The following PRKCQ variants were observed in gnomAD, a reference collection of about 807,000 sequenced individuals.
PRKCQ encodes protein kinase C theta type.
Under a neutral mutation model 91.2 loss-of-function variants are expected in PRKCQ, and 41 were observed. The ratio of observed to expected loss-of-function variants is 0.45; its 90% CI spans 0.35 to 0.58. The LOEUF (loss-of-function observed/expected upper bound fraction) is 0.58, where lower values mean the gene tolerates loss of function less well. Among genes scored for constraint, PRKCQ ranks in the 20% least tolerant of loss-of-function variants. The pLI, the probability that PRKCQ is intolerant of heterozygous loss-of-function variation, is 0.00. For missense variants in PRKCQ, 673 were observed against 896.5 expected, an observed-to-expected ratio of 0.75 and a Z score of 3.18; for synonymous variants, 307 against 316.9, an observed-to-expected ratio of 0.97 and a Z score of 0.33.
At chr10:6,446,794 G>C (rs1179605277) in intron 15 of PRKCQ, among the ~76,000 whole-genome samples, 2 of 152,174 alleles carry the variant, frequency 1.3e-5, no homozygotes, top group African/African-American at 4.8e-5. Flanking sequence ...TCCTTGCTTT[G>C]ACCCAAAGAA....
At chr10:6,401,511 G>T in the PRKCQ span, among the ~76,000 whole-genome samples, 5 of 146,514 alleles carry the variant, frequency 3.4e-5, no homozygotes, top group East Asian at 3.9e-4. Flanking sequence ...GAGAGGGCTG[G>T]TTTTTTTTTT....
intron 15 of PRKCQ, among the ~76,000 whole-genome samples, chr10:6,452,200 C>A (rs1756203975): frequency 1.3e-5 from 2 of 152,196 alleles, no homozygotes; most frequent in South Asian, 2.1e-4. Flanking sequence ...CCAAAATCTC[C>A]TTAAGCTGAT....
At chr10:6,492,815 C>T (rs1445174120) in intron 7 of PRKCQ, among the ~76,000 whole-genome samples, 1 of 152,184 alleles carries the variant, frequency 6.6e-6, no homozygotes, top group Non-Finnish European at 1.5e-5. Flanking sequence ...GGTTTATAAT[C>T]TCTGCAGAAG....
At chr10:6,577,864 T>C (rs998730221) in intron 1 of PRKCQ, among the ~76,000 whole-genome samples, 4 of 152,232 alleles carry the variant, frequency 2.6e-5, no homozygotes, top group African/African-American at 9.6e-5. Flanking sequence ...GAGATTTGTC[T>C]GTGTAGGTCT....
intron 14 of PRKCQ, among the ~76,000 whole-genome samples, chr10:6,457,132 AT>A (rs1219875001): frequency 6.6e-6 from 1 of 152,218 alleles, no homozygotes; most frequent in Non-Finnish European, 1.5e-5. Flanking sequence ...AACCTAAAAA[AT>A]ATACTTACTG....
intron 12 of PRKCQ, among the ~76,000 whole-genome samples, chr10:6,471,904 G>C (rs1448929134): frequency 6.6e-6 from 1 of 152,172 alleles, no homozygotes; most frequent in Non-Finnish European, 1.5e-5. Context: ...AATACTTTTG[G>C]GACTTTGTGA....
Position 6,508,904 on chromosome 10 carries a change from T to A in PRKCQ, c.319-1408A>T, listed in dbSNP as rs541740246. Among the ~76,000 whole-genome samples the A allele has an allele frequency of 9.2e-5, 14 of 152,268 alleles. No homozygotes were observed. In the South Asian group the frequency reaches 2.3e-3, roughly 25 times the overall value. On this transcript the variant is annotated intron_variant, in intron 3 of 17. Transcript: ENST00000263125. ...GTCACAACCTTGGGAAAACAAAAGG[T>A]GTCTCTCAATACGGCGTTGAGAAAC...
chr10:6,569,898 C>T (rs1407651320), intron 1 of PRKCQ, among the ~76,000 whole-genome samples: 1 of 152,046 alleles, frequency 6.6e-6, no homozygotes, highest in Non-Finnish European at 1.5e-5. Flanking sequence ...GGAAGAATGG[C>T]AAGGATCTGG....
intron 16 of PRKCQ, among the ~76,000 whole-genome samples, chr10:6,435,526 G>A (rs965747217): frequency 1.3e-5 from 2 of 152,204 alleles, no homozygotes; most frequent in Admixed American, 1.3e-4. Flanking sequence ...GCAAGAATAT[G>A]TGTAAGAGAA....
chr10:6,409,215 A>T, the PRKCQ span, among the ~76,000 whole-genome samples: 9 of 152,200 alleles, frequency 5.9e-5, no homozygotes, highest in African/African-American at 2.2e-4. Context: ...GTTGCTTGTG[A>T]CCTTATAGAA....
chr10:6,436,505 A>G (rs1160898843), intron 16 of PRKCQ, among the ~76,000 whole-genome samples: 2 of 152,156 alleles, frequency 1.3e-5, no homozygotes, highest in Non-Finnish European at 2.9e-5. Context: ...CACGCCAAGC[A>G]AGATACAAAC....
chr10:6,570,544 A>G (rs1887328), intron 1 of PRKCQ, among the ~76,000 whole-genome samples: 137,953 of 150,332 alleles, frequency 0.92, 63,761 homozygotes, highest in Non-Finnish European at 0.97. Flanking sequence ...GACAGGAACT[A>G]AGGGGCTTCT....
At chr10:6,549,485 C>T (rs1036474857) in intron 1 of PRKCQ, among the ~76,000 whole-genome samples, 18 of 152,046 alleles carry the variant, frequency 1.2e-4, no homozygotes, top group African/African-American at 3.9e-4. Context: ...GAAAATTCCC[C>T]CATCATACAA....
intron 12 of PRKCQ, among the ~76,000 whole-genome samples, chr10:6,477,627 G>A (rs935843732): frequency 2.0e-5 from 3 of 152,174 alleles, no homozygotes; most frequent in Admixed American, 1.3e-4. Context: ...TAGCACTTTG[G>A]GAGGCTGAGG....
the PRKCQ span, among the ~76,000 whole-genome samples, chr10:6,414,792 G>A: frequency 2.3e-4 from 32 of 138,554 alleles, no homozygotes; most frequent in African/African-American, 2.9e-4. Context: ...AAGTGATAAA[G>A]AAAAAAAAAA....
rs1175768263 is a variant in PRKCQ, at chr10:6,576,741, TG to T, written c.-10+3469del. On this transcript the variant is annotated intron_variant, in intron 1 of 17. Transcript: ENST00000263125. The surrounding 1 kb of genome is among the most constrained non-coding windows in gnomAD (Gnocchi z 4.2). ...TTTTAACCACAATAAAAAAGTTAAC[TG>T]GTAGGTCACCTGGGACTGCGGTTTA... Among the ~76,000 whole-genome samples the T allele has an allele frequency of 6.6e-6, 1 of 152,228 alleles. No homozygotes were observed. The highest frequency in any genetic ancestry group is 1.9e-4 in the East Asian group (1 of 5,198).
chr10:6,442,120 G>A (rs201241573), intron 15 of PRKCQ, 39 bp from the exon 16 acceptor site: 28 of 1,580,852 alleles, frequency 1.8e-5, no homozygotes, highest in Non-Finnish European at 2.2e-5. Context: ...TAACAGGAAT[G>A]AGGCTGAGGA....
intron 4 of PRKCQ, among the ~76,000 whole-genome samples, chr10:6,504,247 C>CA (rs1275585304): frequency 6.6e-6 from 1 of 152,172 alleles, no homozygotes; most frequent in African/African-American, 2.4e-5. Context: ...ATCACCTCTC[C>CA]ATAACATAAG....
At chr10:6,562,377 G>A (rs1336647098) in intron 1 of PRKCQ, among the ~76,000 whole-genome samples, 1 of 152,188 alleles carries the variant, frequency 6.6e-6, no homozygotes, top group Non-Finnish European at 1.5e-5. Context: ...ATGTTCACAT[G>A]CTTCAGCAGA....
Sources: allele counts gnomAD v4.1 joint callset (sites outside exome capture counted in the v4.1 genomes callset), GRCh38; gene constraint gnomAD v4.1.1; non-coding constraint Gnocchi (gnomAD v3.1); transcripts MANE v1.5; gene names NCBI Gene and HGNC (gene_info 2026-07-23, HGNC 2026-07-21).